The following MRTFA variants were observed in gnomAD, a reference collection of about 807,000 sequenced individuals.
The protein encoded by MRTFA is myocardin-related transcription factor A.
Under a neutral mutation model 83.5 loss-of-function variants are expected in MRTFA, and 20 were observed. That is an observed-to-expected ratio of 0.24 (90% confidence interval 0.17 to 0.35). The LOEUF is 0.35. MRTFA is among the 10% of genes least tolerant of loss of function. MRTFA has a pLI of 1.00. For missense variants in MRTFA, 1,200 were observed against 1,224.7 expected, an observed-to-expected ratio of 0.98 and a Z score of 0.30; for synonymous variants, 659 against 541.2, an observed-to-expected ratio of 1.22 and a Z score of -3.02.
chr22:40,447,134 T>A (rs1230843554), intron 4 of MRTFA, among the ~76,000 whole-genome samples: 2 of 151,928 alleles, frequency 1.3e-5, no homozygotes, highest in Non-Finnish European at 1.5e-5. Flanking sequence ...GGCAAGCAGA[T>A]CGCTTGAGGT....
chr22:40,499,182 C>T (rs975809099), intron 3 of MRTFA, among the ~76,000 whole-genome samples: 2 of 152,196 alleles, frequency 1.3e-5, no homozygotes, highest in Non-Finnish European at 1.5e-5. Context: ...ATGCTTGGAA[C>T]TTACATTCCT....
chr22:40,578,708 GC>G (rs1230021296), intron 2 of MRTFA, among the ~76,000 whole-genome samples: 2 of 152,074 alleles, frequency 1.3e-5, no homozygotes, highest in African/African-American at 4.8e-5. Flanking sequence ...GATTGCTTGG[GC>G]CTAGGAGTTC....
chr22:40,563,194 C>T (rs1430054412), intron 2 of MRTFA, among the ~76,000 whole-genome samples: 1 of 152,124 alleles, frequency 6.6e-6, no homozygotes, highest in Non-Finnish European at 1.5e-5. Context: ...TTTACTGTGA[C>T]TGCCTAGAAT....
chr22:40,519,315 T>C (rs1438377507), intron 3 of MRTFA: 1 of 807,646 alleles, frequency 1.2e-6, no homozygotes, highest in African/African-American at 1.8e-5. Flanking sequence ...GGGCCACCTA[T>C]AGAGATGGTC....
chr22:40,534,853 C>T (rs1488359831), intron 3 of MRTFA, among the ~76,000 whole-genome samples: 2 of 152,050 alleles, frequency 1.3e-5, no homozygotes, highest in African/African-American at 4.8e-5. Context: ...AATAGCCCAG[C>T]GAATACCTTA....
intron 4 of MRTFA, among the ~76,000 whole-genome samples, chr22:40,462,969 G>C (rs767408597): frequency 1.3e-5 from 2 of 152,208 alleles, no homozygotes; most frequent in Non-Finnish European, 2.9e-5. Flanking sequence ...GGAAAATTCA[G>C]TGGCACCCTT....
intron 4 of MRTFA, among the ~76,000 whole-genome samples, chr22:40,456,024 G>A (rs1370615599): frequency 2.0e-5 from 3 of 151,940 alleles, no homozygotes; most frequent in African/African-American, 4.8e-5. Context: ...ACTGGGTTTC[G>A]CCATGGTAAC....
intron 3 of MRTFA, among the ~76,000 whole-genome samples, chr22:40,536,294 C>A (rs1027099061): frequency 2.0e-5 from 3 of 152,088 alleles, no homozygotes; most frequent in Non-Finnish European, 4.4e-5. Flanking sequence ...CAGAGCAAGA[C>A]CCTGTCTCAA....
At chr22:40,586,069 C>T (rs2056023211) in intron 2 of MRTFA, among the ~76,000 whole-genome samples, 2 of 151,966 alleles carry the variant, frequency 1.3e-5, no homozygotes, top group South Asian at 4.1e-4. Context: ...ACATCTTGAA[C>T]GATGAACCAC....
At chr22:40,487,135 T>G (rs1204018444) in intron 3 of MRTFA, among the ~76,000 whole-genome samples, 1 of 152,210 alleles carries the variant, frequency 6.6e-6, no homozygotes, top group African/African-American at 2.4e-5. Context: ...ACAGGATATA[T>G]GTTAACCACT....
intron 3 of MRTFA, among the ~76,000 whole-genome samples, chr22:40,516,067 G>C (rs1219890387): frequency 6.6e-6 from 1 of 152,102 alleles, no homozygotes; most frequent in Non-Finnish European, 1.5e-5. Flanking sequence ...TAAAGCAATG[G>C]AAGATTATTT....
At chr22:40,567,211 A>G (rs1026040785) in intron 2 of MRTFA, among the ~76,000 whole-genome samples, 5 of 152,210 alleles carry the variant, frequency 3.3e-5, no homozygotes, top group African/African-American at 1.2e-4. Flanking sequence ...GGCTGCTTGA[A>G]AATTAAAGCA....
At chr22:40,626,488 T>C (rs140741346) in intron 1 of MRTFA, among the ~76,000 whole-genome samples, 185 of 152,236 alleles carry the variant, frequency 1.2e-3, no homozygotes, top group African/African-American at 4.2e-3. Context: ...AGACGGGGTT[T>C]TGCCATGTTA....
At chr22:40,493,002 T>C (rs901292089) in intron 3 of MRTFA, among the ~76,000 whole-genome samples, 31 of 152,204 alleles carry the variant, frequency 2.0e-4, no homozygotes, top group African/African-American at 7.2e-4. Flanking sequence ...AGAGATAATA[T>C]ATTGGCACAA....
chr22:40,512,876 A>G (rs568965172), intron 3 of MRTFA, among the ~76,000 whole-genome samples: 68 of 152,372 alleles, frequency 4.5e-4, no homozygotes, highest in African/African-American at 1.5e-3. Flanking sequence ...CTTAAAAGTA[A>G]TTTGTAAACT....
chr22:40,562,171 C>T (rs1259074006), intron 2 of MRTFA, among the ~76,000 whole-genome samples: 2 of 149,654 alleles, frequency 1.3e-5, no homozygotes, highest in African/African-American at 4.9e-5. Flanking sequence ...GAGCCGAGAT[C>T]GTGCCACTGC....
At chr22:40,477,452 T>C (rs1053159542) in intron 3 of MRTFA, among the ~76,000 whole-genome samples, 13 of 152,070 alleles carry the variant, frequency 8.5e-5, no homozygotes, top group Non-Finnish European at 1.0e-4. Flanking sequence ...CCTAGCTCTG[T>C]TGCTACCTAA....
intron 1 of MRTFA, among the ~76,000 whole-genome samples, chr22:40,612,690 G>A (rs1359178165): frequency 6.6e-6 from 1 of 152,190 alleles, no homozygotes; most frequent in African/African-American, 2.4e-5. Context: ...ACTCACACCT[G>A]TAATCCTAGC....
chr22:40,609,496 A>C (rs986314606), intron 1 of MRTFA, among the ~76,000 whole-genome samples: 43 of 151,484 alleles, frequency 2.8e-4, no homozygotes, highest in Non-Finnish European at 2.9e-5. Flanking sequence ...AAAAAAAAAA[A>C]AAAAAAAACA....
Sources: allele counts gnomAD v4.1 joint callset (sites outside exome capture counted in the v4.1 genomes callset), GRCh38; gene constraint gnomAD v4.1.1; transcripts MANE v1.5; gene names NCBI Gene and HGNC (gene_info 2026-07-23, HGNC 2026-07-21).